The following WDR33 variants were observed in gnomAD, a reference collection of about 807,000 sequenced individuals.
WDR33 encodes pre-mRNA 3' end processing protein WDR33.
WDR33 carries 47 observed loss-of-function variants against 164.9 expected under a neutral mutation model. The ratio of observed to expected loss-of-function variants is 0.29; its 90% confidence interval spans 0.23 to 0.36. The LOEUF (loss-of-function observed/expected upper bound fraction) is 0.36, where lower values mean the gene tolerates loss of function less well. Among genes scored for constraint, WDR33 ranks in the 10% least tolerant of loss-of-function variants. The pLI is 1.00. For synonymous variants in WDR33, 505 were observed against 589.0 expected (o/e 0.86, Z 2.06); for missense variants, 1,137 against 1,754.1 (o/e 0.65, Z 6.28).
rs182907758 is a variant in WDR33 at position 127,738,694 on chromosome 2, G to A, written c.725-11917C>T. The stretch of plus-strand genomic sequence containing the variant: ...GACAATTCCCTGTCTAATCATGAGA[G>A]AAATAGTAGATAAATCACAACTGAG... On this transcript the variant is annotated intron_variant, in intron 7 of 21. Coordinates refer to ENST00000322313, the MANE Select transcript of WDR33 (RefSeq NM_018383.5). The surrounding 1 kb of genome is among the most constrained non-coding windows in gnomAD (Gnocchi z 4.4). 3.0e-4 allele frequency among the ~76,000 whole-genome samples: 45 copies of A among 152,256 alleles called. No individual in the cohort carries two copies. Among genetic ancestry groups the A allele is most frequent in the African/African-American group, 9.4e-4 (39 of 41,534 alleles).
chr2:127,792,270 G>A (rs1208115407), intron 1 of WDR33, among the ~76,000 whole-genome samples: 2 of 151,988 alleles, frequency 1.3e-5, no homozygotes, highest in Non-Finnish European at 2.9e-5. Context: ...TATGAAAACA[G>A]TTCTGACCTC....
chr2:127,729,816 T>TA (rs750298542), intron 7 of WDR33, among the ~76,000 whole-genome samples: 3 of 152,236 alleles, frequency 2.0e-5, no homozygotes, highest in Non-Finnish European at 4.4e-5. Flanking sequence ...TTTTAGCCTT[T>TA]ACATCATTTT....
intron 17 of WDR33, among the ~76,000 whole-genome samples, chr2:127,715,883 C>G (rs1017370203): frequency 1.3e-5 from 2 of 152,068 alleles, no homozygotes; most frequent in Non-Finnish European, 2.9e-5. Flanking sequence ...GCCACTTTCT[C>G]GGCTCTCCCT....
intron 1 of WDR33, among the ~76,000 whole-genome samples, chr2:127,777,311 C>CTAATTTCGCAGAACAGTAGTT (rs1267722484): frequency 6.6e-6 from 1 of 152,206 alleles, no homozygotes; most frequent in East Asian, 1.9e-4. Flanking sequence ...AATATCACTC[C>CTAATTTCGCAGAACAGTAGTT]TAATTTCGCA....
rs781266441 is a variant in WDR33, at chr2:127,770,716, TAAATAAATAAA to T, written c.204+51_204+61del. ...CAAAATAAATAAATAAATAAATAAATAAATAAATAAATAAATAAATAACCAAAGTTTGGTCA... is the reference window on the plus strand; with the variant it reads ...CAAAATAAATAAATAAATAAATAAATTAAATAAATAACCAAAGTTTGGTCA... On this transcript the variant is annotated intron_variant, in intron 2 of 21. Transcript: ENST00000322313. The surrounding 1 kb of genome is among the most constrained non-coding windows in gnomAD (Gnocchi z 4.9). The T allele has an allele frequency of 2.3e-4, 205 of 906,404 alleles. No homozygotes were observed. The highest frequency in any genetic ancestry group is 2.9e-4 in the Non-Finnish European group (191 of 658,480). The allele number at this position is 906,404 out of a possible 1,614,324, so 56.1% of individuals were successfully genotyped here.
chr2:127,737,415 G>C, intron 7 of WDR33: 4 of 985,500 alleles, frequency 4.1e-6, no homozygotes, highest in Non-Finnish European at 4.8e-6. Flanking sequence ...AGGTTCTCTA[G>C]TAAACATTTC....
Position 127,717,190 on chromosome 2 carries a change from G to A in WDR33, c.2834C>T (p.Pro945Leu). The part of the protein sequence containing the change: ...GQQGAQGRIP[P>L]LNPGQGPGPN... ...GCCAGGTCCTTGTCCGGGGTTCAGA[G>A]GGGGAATGCGACCTTGTGCTCCCTG... Residue 945 changes from proline to leucine, a missense_variant, in exon 17 of 22, where the codon CCT becomes CTT. Physicochemically the swap from Pro to Leu is moderately conservative, Grantham distance 98. Transcript: ENST00000322313. The surrounding 1 kb of genome is among the most constrained non-coding windows in gnomAD (Gnocchi z 5.6). 2 of 1,609,542 alleles carry A rather than the reference G, an allele frequency of 1.2e-6. No individual in the cohort carries two copies. Among genetic ancestry groups the A allele is most frequent in the Non-Finnish European group, 1.7e-6 (2 of 1,177,840 alleles).
chr2:127,785,821 C>T (rs1349520757), intron 1 of WDR33, among the ~76,000 whole-genome samples: 1 of 152,128 alleles, frequency 6.6e-6, no homozygotes, highest in African/African-American at 2.4e-5. Context: ...TTATTTTCAA[C>T]TCATGTGACT....
intron 1 of WDR33, among the ~76,000 whole-genome samples, chr2:127,793,692 G>T (rs951372273): frequency 6.6e-6 from 1 of 152,160 alleles, no homozygotes; most frequent in Non-Finnish European, 1.5e-5. Context: ...AGTGAGTTAT[G>T]ATCATGCCAC....
Position 127,714,597 on chromosome 2 carries a change from G to C in WDR33, c.2870-576C>G, listed in dbSNP as rs1686255113. Among the ~76,000 whole-genome samples, 1 of 152,224 alleles carries C rather than the reference G, an allele frequency of 6.6e-6. No homozygotes were observed. Among genetic ancestry groups the C allele is most frequent in the Non-Finnish European group, 1.5e-5 (1 of 68,048 alleles). On this transcript the variant is annotated intron_variant, in intron 17 of 21. Transcript: ENST00000322313. This position sits in a 1 kb window ranked among gnomAD's most constrained non-coding sequence, Gnocchi z 4.3. ...GACCAAACAGCCCTGCTGGGCTTCA[G>C]TGTCGGGGTTTTCTGCACCTCTCTA... is the stretch of plus-strand genomic sequence containing the variant.
chr2:127,723,164 A>G lies in WDR33; in HGVS notation c.1291+89T>C. The stretch of plus-strand genomic sequence containing the variant: ...TATAAATAAATCTACTATAAAATTA[A>G]AATTCATTTTGTATAATCTTCCCAA... On this transcript the variant is annotated intron_variant, in intron 12 of 21. Coordinates refer to ENST00000322313, the MANE Select transcript of WDR33 (RefSeq NM_018383.5). This position sits in a 1 kb window ranked among gnomAD's most constrained non-coding sequence, Gnocchi z 5.9. The G allele has an allele frequency of 6.9e-7, 1 of 1,447,446 alleles. No individual in the cohort carries two copies. The highest frequency in any genetic ancestry group is 2.3e-5 in the East Asian group (1 of 43,696). The allele number at this position is 1,447,446 out of a possible 1,614,324, so 89.7% of individuals were successfully genotyped here. A position where few individuals can be genotyped will look rare whatever the true frequency, so the allele number is the denominator to read the frequency against.
In WDR33 at chr2:127,718,144, G is replaced by A. The variant is rs1686341518; in HGVS notation, c.2761-881C>T. 6.6e-6 allele frequency among the ~76,000 whole-genome samples: 1 copy of A among 152,160 alleles called. No homozygotes were observed. Among genetic ancestry groups the A allele is most frequent in the African/African-American group, 2.4e-5 (1 of 41,434 alleles). ...CATGACTACGACACTTTTAGGTTCTGGAAGACCTACTTTAGAATAGTAGAT... is the reference window on the plus strand; with the variant it reads ...CATGACTACGACACTTTTAGGTTCTAGAAGACCTACTTTAGAATAGTAGAT... On this transcript the variant is annotated intron_variant, in intron 16 of 21. Coordinates refer to ENST00000322313, the MANE Select transcript of WDR33 (RefSeq NM_018383.5). The surrounding 1 kb of genome is among the most constrained non-coding windows in gnomAD (Gnocchi z 4.4).
chr2:127,724,419 C>T lies in WDR33; in HGVS notation c.1110G>A (p.Met370Ile). The T allele has an allele frequency of 6.2e-7, 1 of 1,614,174 alleles. No homozygotes were observed. The highest frequency in any genetic ancestry group is 8.5e-7 in the Non-Finnish European group (1 of 1,180,034). ...AGATCATCCCTTCGTGAGCCATCTC[C>T]ATCCCACCCACTTCCTTCTCTACCC... ...HVGVEKEVGG[M>I]EMAHEGMIWS... The change falls in exon 11 of 22, where the codon ATG (methionine) becomes ATA (isoleucine). Residue 370 changes from methionine (M) to isoleucine (I), a missense_variant. By Grantham distance (10) the Met-to-Ile change is conservative (BLOSUM62 1). Around this residue, in one of 9 missense-constraint regions of WDR33, gnomAD observed 21 missense variants for 102.2 expected, o/e 0.21. Coordinates refer to ENST00000322313, the MANE Select transcript of WDR33 (RefSeq NM_018383.5). This position sits in a 1 kb window ranked among gnomAD's most constrained non-coding sequence, Gnocchi z 4.8.
rs1685993191 is a variant in WDR33 at position 127,705,673 on chromosome 2, A to G, written c.*650T>C. The G allele has an allele frequency of 6.6e-6, 1 of 152,252 alleles. No homozygotes were observed. Among genetic ancestry groups the G allele is most frequent in the Non-Finnish European group, 1.5e-5 (1 of 68,040 alleles). 9.4% of individuals were successfully genotyped at this position (152,252 alleles called of 1,614,324 possible). A position where few individuals can be genotyped will look rare whatever the true frequency, so the allele number is the denominator to read the frequency against. On this transcript the variant is annotated 3_prime_UTR_variant, in exon 22 of 22. Coordinates refer to ENST00000322313, the MANE Select transcript of WDR33 (RefSeq NM_018383.5). The surrounding 1 kb of genome is among the most constrained non-coding windows in gnomAD (Gnocchi z 4.5). The stretch of plus-strand genomic sequence containing the variant: ...CAGAGTACAATTTTCCATCTGTCAG[A>G]GCATGTCTGAATAAAAATTTGAACC...
chr2:127,721,379 A>C lies in WDR33; in HGVS notation c.1671+457T>G, dbSNP rs1010399747. On this transcript the variant is annotated intron_variant, in intron 15 of 21. Transcript: ENST00000322313. This position sits in a 1 kb window ranked among gnomAD's most constrained non-coding sequence, Gnocchi z 4.9. ...TGCCTCGGCCTCCCAAAGTGCTGGG[A>C]TTACAGGTGTAAGCCACCACGCCTG... 1.3e-5 allele frequency among the ~76,000 whole-genome samples: 2 copies of C among 152,180 alleles called. No homozygotes were observed. The highest frequency in any genetic ancestry group is 2.9e-5 in the Non-Finnish European group (2 of 68,042).
At chr2:127,766,449 T>G (rs1441943522) in intron 4 of WDR33, among the ~76,000 whole-genome samples, 1 of 152,194 alleles carries the variant, frequency 6.6e-6, no homozygotes, top group African/African-American at 2.4e-5. Flanking sequence ...TTATCTGGTA[T>G]GGATCCTAAC....
chr2:127,745,152 G>C (rs1340877511), intron 7 of WDR33, among the ~76,000 whole-genome samples: 1 of 152,140 alleles, frequency 6.6e-6, no homozygotes, highest in African/African-American at 2.4e-5. Flanking sequence ...CATACTGAGA[G>C]CGGCCTTCAG....
Position 127,735,759 on chromosome 2 carries a change from C to A in WDR33, c.725-8982G>T, listed in dbSNP as rs1255237241. The A allele has an allele frequency of 3.0e-6, 3 of 985,310 alleles. No homozygotes were observed. The Admixed American group carries it at 1.8e-4, about 61-fold the overall frequency. 61.0% of individuals were successfully genotyped at this position (985,310 alleles called of 1,614,324 possible). A position where few individuals can be genotyped will look rare whatever the true frequency, so the allele number is the denominator to read the frequency against. On this transcript the variant is annotated intron_variant, in intron 7 of 21. Transcript: ENST00000322313. This position sits in a 1 kb window ranked among gnomAD's most constrained non-coding sequence, Gnocchi z 4.3. ...TTTAAGATTTTAAAAAATTAAGAAG[C>A]ATAAGTAATCTGTGCTCTGGTCAAG... is the stretch of plus-strand genomic sequence containing the variant.
chr2:127,737,032 A>G (rs1686865338), intron 7 of WDR33: 1 of 985,416 alleles, frequency 1.0e-6, no homozygotes, highest in Non-Finnish European at 1.2e-6. Context: ...TCAATCTTCT[A>G]TATTCTTCAG....
Sources: allele counts gnomAD v4.1 joint callset (sites outside exome capture counted in the v4.1 genomes callset), GRCh38; gene constraint gnomAD v4.1.1; regional missense constraint gnomAD v4.1.1; non-coding constraint Gnocchi (gnomAD v3.1); transcripts MANE v1.5; gene names NCBI Gene and HGNC (gene_info 2026-07-23, HGNC 2026-07-21).